Variants in ZNF397 observed in about 807,000 individuals in gnomAD.
ZNF397 encodes zinc finger protein 397.
ZNF397 carries 38 observed loss-of-function variants against 50.6 expected under a neutral mutation model. That is an observed-to-expected ratio of 0.75 (90% CI 0.58 to 0.98). ZNF397 has a LOEUF of 0.98. Ranked by LOEUF, ZNF397 falls within the 50% of genes least tolerant of loss-of-function variation. The pLI is 0.00. For synonymous variants in ZNF397, 228 were observed against 215.2 expected (o/e 1.06, Z -0.52); for missense variants, 624 against 624.1 (o/e 1.00, Z 0.00).
chr18:35,242,777 C>T lies in ZNF397; in HGVS notation c.307C>T (p.Pro103Ser). Residue 103 changes from proline to serine, a missense_variant, in exon 2 of 4, where the codon CCT (proline) becomes TCT (serine). By Grantham distance (74) the Pro-to-Ser change is moderately conservative. Coordinates refer to ENST00000330501, the MANE Select transcript of ZNF397 (RefSeq NM_001135178.3). ...LVLEQFLSILPEELQIWVQQH... is the reference protein window; with the variant it reads ...LVLEQFLSILSEELQIWVQQH... ...ACTGGAGCAGTTCCTGAGCATTCTG[C>T]CTGAGGAGCTGCAGATCTGGGTTCA... The T allele has an allele frequency of 1.2e-6, 2 of 1,614,112 alleles. No homozygotes were observed. The highest frequency in any genetic ancestry group is 1.7e-5 in the Admixed American group (1 of 60,030).
chr18:35,251,658 T>C (rs1383472768), downstream of ZNF397: 2 of 152,148 alleles, frequency 1.3e-5, no homozygotes, highest in East Asian at 1.9e-4. Context: ...ATTTGGCTGA[T>C]TGATAAGTGC....
At position 35,245,497 on chromosome 18, in the gene ZNF397, A is replaced by T; in HGVS notation, c.792A>T (p.Arg264Ser). 6.4e-7 allele frequency: 1 copy of T among 1,552,532 alleles called. No homozygotes were observed. Among genetic ancestry groups the T allele is most frequent in the Non-Finnish European group, 8.7e-7 (1 of 1,147,218 alleles). Residue 264 changes from arginine (R) to serine (S), a missense_variant, in exon 4 of 4, where the codon AGA (arginine) becomes AGT (serine). Arg to Ser is a moderately radical substitution (Grantham distance 110). Coordinates refer to ENST00000330501, the MANE Select transcript of ZNF397 (RefSeq NM_001135178.3). ...GAGACCTTTATGATGAGGCTGAAAG[A>T]TGCTTGATTCTAACTACAGACTCTA... ...GKRDLYDEAE[R>S]CLILTTDSIM...
chr18:35,243,484 CCT>C (rs1386936855), intron 3 of ZNF397, 191 bp downstream of exon 3: 12 of 710,640 alleles, frequency 1.7e-5, no homozygotes, highest in Non-Finnish European at 1.9e-5. Context: ...TGTGAGTTTC[CCT>C]GTTATTCATT....
downstream of ZNF397, chr18:35,254,334 C>T: frequency 6.2e-7 from 1 of 1,613,920 alleles, no homozygotes; most frequent in Non-Finnish European, 8.5e-7. Flanking sequence ...ACACATTCAA[C>T]AATTTCTTGC....
chr18:35,246,706 C>CT lies in ZNF397; in HGVS notation c.*397dup. 4 of 965,180 alleles carry CT rather than the reference C, an allele frequency of 4.1e-6. No individual in the cohort carries two copies. Among genetic ancestry groups the CT allele is most frequent in the Non-Finnish European group, 4.8e-6 (4 of 825,390 alleles). 59.8% of individuals were successfully genotyped at this position (965,180 alleles called of 1,614,324 possible). A position where few individuals can be genotyped will look rare whatever the true frequency, so the allele number is the denominator to read the frequency against. On this transcript the variant is annotated 3_prime_UTR_variant, in exon 4 of 4. Transcript: ENST00000330501. Reference sequence around the variant, plus strand: ...TGTGTGAGGCACTTCGTCTCAGGAACTAAAAAAAAAAAAAAAACTGACCCA... The same window carrying CT: ...TGTGTGAGGCACTTCGTCTCAGGAACTTAAAAAAAAAAAAAAAACTGACCCA...
chr18:35,253,737 G>C (rs747470457), downstream of ZNF397: 1 of 1,614,110 alleles, frequency 6.2e-7, no homozygotes, highest in Admixed American at 1.7e-5. Context: ...TGCTGAATAA[G>C]GGCTGAGCTC....
At chr18:35,243,911 G>A (rs560661625) in intron 3 of ZNF397, 1 of 157,172 alleles carries the variant, frequency 6.4e-6, no homozygotes, top group South Asian at 1.9e-4. Context: ...AGGAAAATAG[G>A]ATCCAAGTCA....
rs1377088524 is a variant in ZNF397, at chr18:35,248,843, C to T, written c.*2533C>T. 4 of 148,204 alleles carry T rather than the reference C, an allele frequency of 2.7e-5. No homozygotes were observed. The highest frequency in any genetic ancestry group is 4.5e-5 in the Non-Finnish European group (3 of 66,900). The allele number at this position is 148,204 out of a possible 1,614,324, so 9.2% of individuals were successfully genotyped here. ...GGAGAGCAAGACCCTGTCTCCAAAC[C>T]AAAAAAAAAGGAAAAAAGTAAATGT... On this transcript the variant is annotated 3_prime_UTR_variant, in exon 4 of 4. Transcript: ENST00000330501.
chr18:35,254,367 C>T (rs771058471), downstream of ZNF397: 3 of 1,613,874 alleles, frequency 1.9e-6, no homozygotes, highest in Non-Finnish European at 2.5e-6. Context: ...ACTTTGCCAG[C>T]CACCATCCTG....
downstream of ZNF397, chr18:35,254,259 C>T: frequency 1.9e-6 from 3 of 1,614,130 alleles, no homozygotes; most frequent in Non-Finnish European, 2.5e-6. Context: ...AAAGCTTCTT[C>T]AGCTATCCGT....
At chr18:35,251,251 T>C (rs1337383982), downstream of ZNF397, 1 of 152,206 alleles carries the variant, frequency 6.6e-6, no homozygotes, top group Non-Finnish European at 1.5e-5. Context: ...TCTATGGGCA[T>C]TGGGATTGGG....
exon 6 of ZNF397, chr18:35,258,027 C>G: frequency 1.3e-6 from 1 of 780,044 alleles, no homozygotes; most frequent in South Asian, 1.3e-5. Flanking sequence ...AGTGAAGCAC[C>G]TACAAGAAAC....
chr18:35,253,283 C>T, downstream of ZNF397: 1 of 507,134 alleles, frequency 2.0e-6, no homozygotes, highest in Non-Finnish European at 3.4e-6. Context: ...TTCCATTTAA[C>T]ACTTCAATAA....
intron 1 of ZNF397, among the ~76,000 whole-genome samples, chr18:35,242,164 A>G (rs1307421966): frequency 6.6e-6 from 1 of 152,232 alleles, no homozygotes; most frequent in East Asian, 1.9e-4. Context: ...TCACATTCTT[A>G]GGCTTCTAAA....
At chr18:35,249,877 G>A (rs1011352132), downstream of ZNF397, 4 of 152,118 alleles carry the variant, frequency 2.6e-5, no homozygotes, top group African/African-American at 4.8e-5. Context: ...GCTTTTTTGT[G>A]TTTTCCAAAT....
chr18:35,242,036 T>C (rs140755296), intron 1 of ZNF397, among the ~76,000 whole-genome samples: 2 of 152,290 alleles, frequency 1.3e-5, no homozygotes, highest in East Asian at 3.9e-4. Context: ...TAAAAGAGAG[T>C]TCTACAAGTT....
chr18:35,256,590 T>C (rs1332240210), intron 5 of ZNF397, among the ~76,000 whole-genome samples: 1 of 152,012 alleles, frequency 6.6e-6, no homozygotes, highest in Non-Finnish European at 1.5e-5. Flanking sequence ...GGTCACTTGA[T>C]TATTCAGAAA....
In ZNF397 at chr18:35,242,859, G is replaced by T. The variant is rs775279520; in HGVS notation, c.389G>T (p.Arg130Met). 4 of 1,611,746 alleles carry T rather than the reference G, an allele frequency of 2.5e-6. No homozygotes were observed. Among genetic ancestry groups the T allele is most frequent in the Non-Finnish European group, 2.5e-6 (3 of 1,178,602 alleles). The change falls in exon 2 of 4, where the codon AGG becomes ATG. Residue 130 changes from arginine (R) to methionine (M), a missense_variant. Coordinates refer to ENST00000330501, the MANE Select transcript of ZNF397 (RefSeq NM_001135178.3). ...EAVTLLEDLE[R>M]EFDDPGQQVP... ...GTGACCCTGTTGGAGGATTTAGAGA[G>T]GGAGTTTGATGACCCAGGGCAGCAG...
At position 35,246,160 on chromosome 18, in the gene ZNF397, ATG is replaced by A; in HGVS notation, c.1458_1459del (p.Cys486TrpfsTer21). ...SGEEPYQCNE[C>X]GKTFKRSSAL... ...GGGAGGAACCTTATCAGTGTAATGA[ATG>A]TGGCAAAACTTTCAAAAGGAGCTCA... is the stretch of plus-strand genomic sequence containing the variant. On this transcript the variant is annotated frameshift_variant, in exon 4 of 4. Transcript: ENST00000330501. LOFTEE classifies it high-confidence loss of function. 6.4e-7 allele frequency: 1 copy of A among 1,551,314 alleles called. No homozygotes were observed. Among genetic ancestry groups the A allele is most frequent in the Non-Finnish European group, 8.7e-7 (1 of 1,146,558 alleles).
Sources: gnomAD v4.1 joint callset for allele counts (sites outside exome capture counted in the v4.1 genomes callset) on GRCh38, gnomAD v4.1.1 for gene constraint, MANE v1.5 for transcripts, NCBI Gene and HGNC (gene_info 2026-07-23, HGNC 2026-07-21) for gene names.